Variants in NPAS3 observed in about 807,000 individuals in gnomAD.
NPAS3 encodes the protein neuronal PAS domain protein 3.
Under a neutral mutation model 73.1 loss-of-function variants are expected in NPAS3, and 14 were observed. The ratio of observed to expected loss-of-function variants is 0.19; its 90% CI spans 0.13 to 0.30. The LOEUF (loss-of-function observed/expected upper bound fraction) is 0.30, where lower values mean the gene tolerates loss of function less well. Ranked by LOEUF, NPAS3 falls within the 10% of genes least tolerant of loss-of-function variation. The pLI, the probability that NPAS3 is intolerant of heterozygous loss-of-function variation, is 1.00. For synonymous variants in NPAS3, 620 were observed against 541.5 expected (o/e 1.14, Z -2.01); for missense variants, 1,096 against 1,250.0 (o/e 0.88, Z 1.86).
At chr14:33,236,183 G>A (rs1362666516) in intron 3 of NPAS3, among the ~76,000 whole-genome samples, 7 of 151,880 alleles carry the variant, frequency 4.6e-5, no homozygotes, top group Admixed American at 2.0e-4. Flanking sequence ...AAACCAAAGA[G>A]GAAAGGATTG....
At chr14:33,319,798 G>A (rs2043360085) in intron 3 of NPAS3, among the ~76,000 whole-genome samples, 2 of 152,150 alleles carry the variant, frequency 1.3e-5, no homozygotes, top group Admixed American at 1.3e-4. Context: ...ACCTCACACA[G>A]AGCACTTGTC....
At chr14:33,677,460 C>T (rs566302273) in intron 6 of NPAS3, among the ~76,000 whole-genome samples, 4 of 152,096 alleles carry the variant, frequency 2.6e-5, no homozygotes, top group Non-Finnish European at 5.9e-5. Context: ...TTTACTTGAT[C>T]TGTTGTTTTA....
At chr14:33,430,164 CT>C (rs968667849) in intron 4 of NPAS3, among the ~76,000 whole-genome samples, 103 of 152,252 alleles carry the variant, frequency 6.8e-4, no homozygotes, top group African/African-American at 2.4e-3. Flanking sequence ...CTTGCAAGCA[CT>C]TAGATCAACC....
At chr14:33,171,265 A>G (rs893180883) in intron 2 of NPAS3, among the ~76,000 whole-genome samples, 2 of 152,180 alleles carry the variant, frequency 1.3e-5, no homozygotes, top group Non-Finnish European at 2.9e-5. Context: ...CCATGGTGTA[A>G]ACATTGTACC....
chr14:33,273,161 T>G (rs1221659473), intron 3 of NPAS3, among the ~76,000 whole-genome samples: 2 of 152,134 alleles, frequency 1.3e-5, no homozygotes, highest in Non-Finnish European at 2.9e-5. Flanking sequence ...TTTGACTGTG[T>G]GGGCTGTCCC....
chr14:33,381,093 T>C (rs2046530681), intron 4 of NPAS3, among the ~76,000 whole-genome samples: 1 of 152,088 alleles, frequency 6.6e-6, no homozygotes, highest in African/African-American at 2.4e-5. Flanking sequence ...GCATCTTTAA[T>C]CCATAAGGAT....
At chr14:33,161,209 T>G (rs2044869315) in intron 2 of NPAS3, among the ~76,000 whole-genome samples, 1 of 152,236 alleles carries the variant, frequency 6.6e-6, no homozygotes, top group African/African-American at 2.4e-5. Context: ...TCTGTATAGT[T>G]TCCTGATGGT....
chr14:33,147,730 A>AATAT (rs10674790), intron 2 of NPAS3, among the ~76,000 whole-genome samples: 39,500 of 129,800 alleles, frequency 0.3, 6,112 homozygotes, highest in South Asian at 0.35. Flanking sequence ...TAGAATAAAA[A>AATAT]ATATATATAT....
At chr14:33,091,667 A>G (rs967819819) in intron 2 of NPAS3, among the ~76,000 whole-genome samples, 7 of 152,108 alleles carry the variant, frequency 4.6e-5, no homozygotes, top group Non-Finnish European at 1.0e-4. Flanking sequence ...AGACACAACA[A>G]AAAAAGAGAA....
chr14:33,026,731 T>C (rs2039816488), intron 1 of NPAS3, among the ~76,000 whole-genome samples: 1 of 152,220 alleles, frequency 6.6e-6, no homozygotes, highest in Non-Finnish European at 1.5e-5. Context: ...TTAGCTGTAG[T>C]ATACTCATTC....
At chr14:33,396,809 A>G (rs2047242558) in intron 4 of NPAS3, among the ~76,000 whole-genome samples, 2 of 151,012 alleles carry the variant, frequency 1.3e-5, no homozygotes, top group Admixed American at 1.4e-4. Flanking sequence ...ATAAGTGAAT[A>G]TAAGTGCAAT....
chr14:33,102,738 G>C (rs1325745289), intron 2 of NPAS3, among the ~76,000 whole-genome samples: 1 of 152,180 alleles, frequency 6.6e-6, no homozygotes, highest in Non-Finnish European at 1.5e-5. Context: ...CACTGACTAT[G>C]TGAACAAGTG....
At chr14:32,968,610 A>G (rs181802373) in intron 1 of NPAS3, among the ~76,000 whole-genome samples, 3 of 152,258 alleles carry the variant, frequency 2.0e-5, no homozygotes, top group East Asian at 3.9e-4. Flanking sequence ...ACTTTAAATC[A>G]TATTACTTTG....
At chr14:33,484,280 G>A (rs973552987) in intron 4 of NPAS3, among the ~76,000 whole-genome samples, 3 of 152,148 alleles carry the variant, frequency 2.0e-5, no homozygotes, top group East Asian at 1.9e-4. Flanking sequence ...TATGTAGGAA[G>A]CACTATGAGG....
At chr14:33,232,987 A>G (rs1479030482) in intron 3 of NPAS3, among the ~76,000 whole-genome samples, 3 of 152,108 alleles carry the variant, frequency 2.0e-5, no homozygotes, top group Non-Finnish European at 4.4e-5. Context: ...TGTATAACAA[A>G]CCTTACATCC....
intron 1 of NPAS3, among the ~76,000 whole-genome samples, chr14:33,000,697 CAT>C (rs2038775216): frequency 6.6e-6 from 1 of 152,122 alleles, no homozygotes; most frequent in Non-Finnish European, 1.5e-5. Flanking sequence ...ATAAAATAAA[CAT>C]AAAAACATAG....
chr14:33,757,338 T>C (rs1450352954), intron 7 of NPAS3, among the ~76,000 whole-genome samples: 1 of 152,188 alleles, frequency 6.6e-6, no homozygotes, highest in Non-Finnish European at 1.5e-5. Flanking sequence ...TCTCAGCAAT[T>C]GTGTAAGACA....
chr14:33,212,314 G>T (rs981078173), intron 2 of NPAS3, among the ~76,000 whole-genome samples: 4 of 151,932 alleles, frequency 2.6e-5, no homozygotes, highest in African/African-American at 9.7e-5. Flanking sequence ...TCTAAACTAT[G>T]GTCCCTGCAT....
At chr14:33,454,837 A>G (rs779383585) in intron 4 of NPAS3, among the ~76,000 whole-genome samples, 1 of 152,150 alleles carries the variant, frequency 6.6e-6, no homozygotes, top group Non-Finnish European at 1.5e-5. Flanking sequence ...GGTGATACTG[A>G]TGGGAGTACC....
Sources: gnomAD v4.1 joint callset for allele counts (sites outside exome capture counted in the v4.1 genomes callset) on GRCh38, gnomAD v4.1.1 for gene constraint, MANE v1.5 for transcripts, NCBI Gene and HGNC (gene_info 2026-07-23, HGNC 2026-07-21) for gene names.